Variants in GNAT1 observed in about 807,000 individuals in gnomAD.
The protein encoded by GNAT1 is guanine nucleotide-binding protein G(t) subunit alpha-1.
In GNAT1, 36 loss-of-function variants were observed where a neutral mutation model predicts 40.0. The ratio of observed to expected loss-of-function variants is 0.90; its 90% confidence interval spans 0.69 to 1.19. GNAT1 has a LOEUF of 1.19. Among genes scored for constraint, GNAT1 ranks in the 50% most tolerant of loss-of-function variants. The pLI is 0.00. For missense variants in GNAT1, 413 were observed against 480.6 expected (o/e 0.86, Z 1.32); for synonymous variants, 195 against 192.9 (o/e 1.01, Z -0.09).
chr3:50,193,942 C>T lies in GNAT1; in HGVS notation c.578+61C>T, dbSNP rs1459181299. The T allele has an allele frequency of 6.2e-7, 1 of 1,607,502 alleles. No homozygotes were observed. The highest frequency in any genetic ancestry group is 1.3e-5 in the African/African-American group (1 of 74,834). On this transcript the variant is annotated intron_variant, in intron 5 of 8. Coordinates refer to ENST00000232461, the MANE Select transcript of GNAT1 (RefSeq NM_144499.3). This position sits in a 1 kb window ranked among gnomAD's most constrained non-coding sequence, Gnocchi z 8.1. ...CCAGGCCCCGTCCTGCCCCGGGGAC[C>T]CCATCCCTGCGATAGACCCTGCCCC...
At position 50,195,283 on chromosome 3, in the gene GNAT1, C is replaced by T. The variant is rs978435874; in HGVS notation, c.*17C>T. 2 of 414,382 alleles carry T rather than the reference C, an allele frequency of 4.8e-6. No homozygotes were observed. The highest frequency in any genetic ancestry group is 4.4e-5 in the South Asian group (2 of 45,662). 25.7% of individuals were successfully genotyped at this position (414,382 alleles called of 1,614,324 possible). On this transcript the variant is annotated 3_prime_UTR_variant, in exon 9 of 9. Transcript: ENST00000232461. ...CTTTTCACAGGTGCCTGAATTCATG[C>T]GTGTCAGTCACCCTGAGACCTGGTA...
intron 8 of GNAT1, 74 bp from the exon 9 acceptor site, chr3:50,195,194 C>T (rs975732453): frequency 6.3e-5 from 37 of 590,394 alleles, no homozygotes; most frequent in Non-Finnish European, 9.1e-5. Flanking sequence ...CTTCCAGGGC[C>T]GCCCCACCAC....
chr3:50,193,190 C>A lies in GNAT1; in HGVS notation c.149+15C>A. ...AAGCAGATGAAGTGAGTGCCCCTGC[C>A]TGTCCCGAGGCCCCTGGGTCTGGGT... On this transcript the variant is annotated intron_variant, in intron 2 of 8. Coordinates refer to ENST00000232461, the MANE Select transcript of GNAT1 (RefSeq NM_144499.3). The surrounding 1 kb of genome is among the most constrained non-coding windows in gnomAD (Gnocchi z 8.1). The A allele has an allele frequency of 1.5e-5, 24 of 1,614,056 alleles. No individual in the cohort carries two copies. The highest frequency in any genetic ancestry group is 2.0e-5 in the Non-Finnish European group (24 of 1,179,918).
chr3:50,193,678 AGCGCGGG>A lies in GNAT1; in HGVS notation c.449+34_449+40del, dbSNP rs753386105. 184 of 1,609,382 alleles carry A rather than the reference AGCGCGGG, an allele frequency of 1.1e-4. No individual in the cohort carries two copies. The highest frequency in any genetic ancestry group is 6.6e-4 in the Middle Eastern group (4 of 6,020). ...TCGGCGGGCTAGTGAGCGCGCGGGC[AGCGCGGG>A]GCGCGGGGCGCGGGGCGCAGGGGGC... On this transcript the variant is annotated intron_variant, in intron 4 of 8. Coordinates refer to ENST00000232461, the MANE Select transcript of GNAT1 (RefSeq NM_144499.3). This position sits in a 1 kb window ranked among gnomAD's most constrained non-coding sequence, Gnocchi z 8.1.
rs747259508 is a variant in GNAT1, at chr3:50,193,792, C to A, written c.489C>A (p.Tyr163Ter). Residue 163 changes from tyrosine to a stop codon, truncating the protein, a stop_gained, in exon 5 of 9, where the codon TAC becomes TAA. Coordinates refer to ENST00000232461, the MANE Select transcript of GNAT1 (RefSeq NM_144499.3). LOFTEE classifies it high-confidence loss of function. The surrounding 1 kb of genome is among the most constrained non-coding windows in gnomAD (Gnocchi z 8.1). Reference protein sequence around the residue: ...SDLERLVTPGYVPTEQDVLRS... With the variant: ...SDLERLVTPG The stretch of plus-strand genomic sequence containing the variant: ...TGGAGCGCCTGGTAACCCCGGGCTA[C>A]GTGCCCACCGAGCAGGACGTGCTGC... 2 of 1,612,816 alleles carry A rather than the reference C, an allele frequency of 1.2e-6. No individual in the cohort carries two copies. Among genetic ancestry groups the A allele is most frequent in the South Asian group, 2.2e-5 (2 of 91,076 alleles).
intron 1 of GNAT1, among the ~76,000 whole-genome samples, chr3:50,192,286 C>T (rs897262967): frequency 1.3e-5 from 2 of 152,186 alleles, no homozygotes; most frequent in Non-Finnish European, 2.9e-5. Context: ...TCTAGGACCA[C>T]CCAGATCCAC....
chr3:50,192,851 C>A, intron 1 of GNAT1: 1 of 578,078 alleles, frequency 1.7e-6, no homozygotes, highest in Non-Finnish European at 3.1e-6. Context: ...GCTGCCTGTG[C>A]CGGGGTCTTG....
At position 50,197,064 on chromosome 3, in the gene GNAT1, A is replaced by T. The variant is rs1381221814; in HGVS notation, c.*1798A>T. Among the ~76,000 whole-genome samples the T allele has an allele frequency of 6.6e-6, 1 of 152,224 alleles. No homozygotes were observed. Among genetic ancestry groups the T allele is most frequent in the African/African-American group, 2.4e-5 (1 of 41,458 alleles). ...TAAATAATATTAGGATAATATTTTTAAAAATCAAATGAATGCAAAACCCCA... is the reference window on the plus strand; with the variant it reads ...TAAATAATATTAGGATAATATTTTTTAAAATCAAATGAATGCAAAACCCCA... On this transcript the variant is annotated 3_prime_UTR_variant, in exon 9 of 9. Coordinates refer to ENST00000232461, the MANE Select transcript of GNAT1 (RefSeq NM_144499.3).
chr3:50,194,629 C>T lies in GNAT1; in HGVS notation c.837C>T (p.Leu279=), dbSNP rs368618734. 4 of 1,613,560 alleles carry T rather than the reference C, an allele frequency of 2.5e-6. No homozygotes were observed. In the South Asian group the frequency reaches 3.3e-5, roughly 13 times the overall value. ...TCGAGAAGATCAAGAAGGCGCACCT[C>T]AGCATCTGTTTCCCGGACTACGATG... is the stretch of plus-strand genomic sequence containing the variant. ...VFFEKIKKAH[L]SICFPDYDGP... The change falls in exon 7 of 9, where the codon CTC becomes CTT. Residue 279 remains leucine, a synonymous_variant. Coordinates refer to ENST00000232461, the MANE Select transcript of GNAT1 (RefSeq NM_144499.3). The surrounding 1 kb of genome is among the most constrained non-coding windows in gnomAD (Gnocchi z 6.1).
rs776266579 is a variant in GNAT1, at chr3:50,194,078, C to T, written c.579-14C>T. On this transcript the variant is annotated splice_polypyrimidine_tract_variant and intron_variant, in intron 5 of 8. Coordinates refer to ENST00000232461, the MANE Select transcript of GNAT1 (RefSeq NM_144499.3). This position sits in a 1 kb window ranked among gnomAD's most constrained non-coding sequence, Gnocchi z 6.1. The stretch of plus-strand genomic sequence containing the variant: ...GGGCCCGGGGCGCAGGTTCAGGCCC[C>T]CGCGGCCCCGCAGGATGTTCGATGT... 2.5e-6 allele frequency: 4 copies of T among 1,612,856 alleles called. No individual in the cohort carries two copies. Among genetic ancestry groups the T allele is most frequent in the Non-Finnish European group, 8.5e-7 (1 of 1,179,334 alleles).
At position 50,194,705 on chromosome 3, in the gene GNAT1, C is replaced by A; in HGVS notation, c.862+51C>A. 1 of 1,608,224 alleles carries A rather than the reference C, an allele frequency of 6.2e-7. No individual in the cohort carries two copies. Among genetic ancestry groups the A allele is most frequent in the South Asian group, 1.1e-5 (1 of 90,926 alleles). On this transcript the variant is annotated intron_variant, in intron 7 of 8. Transcript: ENST00000232461. The surrounding 1 kb of genome is among the most constrained non-coding windows in gnomAD (Gnocchi z 6.1). ...CGGCGCCCCCGCCCCACGATCGCGG[C>A]GCGCACCCCCCGCACGGGGAAGGAA...
Position 50,197,420 on chromosome 3 carries a change from T to C in GNAT1, c.*2154T>C, listed in dbSNP as rs1291710940. On this transcript the variant is annotated 3_prime_UTR_variant, in exon 9 of 9. Transcript: ENST00000232461. ...GGCTCCTGGCATCCACCATTCTACT[T>C]TCCATCTCTATGAATGTGACTGCTC... Among the ~76,000 whole-genome samples, 2 of 152,174 alleles carry C rather than the reference T, an allele frequency of 1.3e-5. No individual in the cohort carries two copies. The highest frequency in any genetic ancestry group is 1.3e-4 in the Admixed American group (2 of 15,284).
In GNAT1 at chr3:50,194,164, C is replaced by A. The variant is rs1197299830; in HGVS notation, c.651C>A (p.Ile217=). ...WIHCFEGVTC[I]IFIAALSAYD... is the part of the protein sequence containing the mutation. ...ACTGCTTCGAGGGCGTGACCTGCAT[C>A]ATCTTCATCGCGGCGCTGAGCGCCT... Residue 217 remains isoleucine, a synonymous_variant, in exon 6 of 9, where the codon ATC becomes ATA. Transcript: ENST00000232461. The surrounding 1 kb of genome is among the most constrained non-coding windows in gnomAD (Gnocchi z 6.1). 6.2e-7 allele frequency: 1 copy of A among 1,613,782 alleles called. No homozygotes were observed. The highest frequency in any genetic ancestry group is 8.5e-7 in the Non-Finnish European group (1 of 1,179,830).
chr3:50,192,807 G>T, intron 1 of GNAT1: 1 of 507,834 alleles, frequency 2.0e-6, no homozygotes, highest in Non-Finnish European at 3.6e-6. Flanking sequence ...GACGCTCCGG[G>T]ATTTCTTCAT....
At chr3:50,191,918 C>T in intron 1 of GNAT1, 87 bp downstream of exon 1, 2 of 877,406 alleles carry the variant, frequency 2.3e-6, no homozygotes, top group Non-Finnish European at 3.8e-6. Context: ...GCAAGGATTC[C>T]CTGGGAAGCA....
At chr3:50,192,604 T>G in intron 1 of GNAT1, 1 of 205,996 alleles carries the variant, frequency 4.9e-6, no homozygotes, top group Non-Finnish European at 1.0e-5. Context: ...GGAAATCTCA[T>G]TAACTGTGCC....
Position 50,194,862 on chromosome 3 carries a change from G to T in GNAT1, c.960G>T (p.Thr320=). ...RDVKEIYSHM[T]CATDTQNVKF... The stretch of plus-strand genomic sequence containing the variant: ...TGAAGGAGATCTATTCCCACATGAC[G>T]TGCGCCACCGACACGCAGAACGTCA... The change falls in exon 8 of 9, where the codon ACG becomes ACT. Residue 320 remains threonine (T), a synonymous_variant. Coordinates refer to ENST00000232461, the MANE Select transcript of GNAT1 (RefSeq NM_144499.3). This position sits in a 1 kb window ranked among gnomAD's most constrained non-coding sequence, Gnocchi z 6.1. The T allele has an allele frequency of 1.2e-6, 2 of 1,613,844 alleles. No individual in the cohort carries two copies. Among genetic ancestry groups the T allele is most frequent in the Non-Finnish European group, 1.7e-6 (2 of 1,179,898 alleles).
chr3:50,194,317 G>C lies in GNAT1; in HGVS notation c.708+96G>C. ...CGCGCTGGGCTGGGGGAGGGCACGG[G>C]AGGGGATGCCTGTCCCGGGCGGCCT... On this transcript the variant is annotated intron_variant, in intron 6 of 8. Coordinates refer to ENST00000232461, the MANE Select transcript of GNAT1 (RefSeq NM_144499.3). The surrounding 1 kb of genome is among the most constrained non-coding windows in gnomAD (Gnocchi z 6.1). 2.7e-6 allele frequency: 4 copies of C among 1,464,264 alleles called. No homozygotes were observed. The highest frequency in any genetic ancestry group is 3.7e-6 in the Non-Finnish European group (4 of 1,073,642). The allele number at this position is 1,464,264 out of a possible 1,614,324, so 90.7% of individuals were successfully genotyped here.
Position 50,193,126 on chromosome 3 carries a change from C to T in GNAT1, c.107-7C>T. 1 of 1,613,888 alleles carries T rather than the reference C, an allele frequency of 6.2e-7. No individual in the cohort carries two copies. Among genetic ancestry groups the T allele is most frequent in the Non-Finnish European group, 8.5e-7 (1 of 1,180,002 alleles). On this transcript the variant is annotated splice_region_variant and splice_polypyrimidine_tract_variant and intron_variant, in intron 1 of 8. Transcript: ENST00000232461. This position sits in a 1 kb window ranked among gnomAD's most constrained non-coding sequence, Gnocchi z 8.1. ...AGCGCAGCTCTGAGGCGCCGCGTCT[C>T]TTTCAGGTGCCGGTGAGTCCGGGAA...
Sources: gnomAD v4.1 joint callset for allele counts (sites outside exome capture counted in the v4.1 genomes callset) on GRCh38, gnomAD v4.1.1 for gene constraint, Gnocchi (gnomAD v3.1) non-coding constraint, MANE v1.5 for transcripts, NCBI Gene and HGNC (gene_info 2026-07-23, HGNC 2026-07-21) for gene names.